The following RIF1 variants were observed in gnomAD, a reference collection of about 807,000 sequenced individuals.
RIF1 encodes telomere-associated protein RIF1.
RIF1 carries 45 observed loss-of-function variants against 247.1 expected under a neutral mutation model. That is an observed-to-expected ratio of 0.18 (90% CI 0.14 to 0.23). RIF1 has a LOEUF of 0.23. RIF1 is among the 10% of genes least tolerant of loss of function. The pLI is 1.00. For missense variants in RIF1, 2,967 were observed against 2,862.5 expected (o/e 1.04, Z -0.83); for synonymous variants, 1,087 against 978.8 (o/e 1.11, Z -2.06).
the RIF1 span, chr2:151,533,455 T>C: frequency 6.4e-7 from 1 of 1,550,756 alleles, no homozygotes; most frequent in Non-Finnish European, 8.7e-7. Context: ...GCTCCACATA[T>C]GCGAATTGTA....
intron 9 of RIF1, among the ~76,000 whole-genome samples, chr2:151,489,419 G>C (rs991325121): frequency 4.6e-5 from 7 of 152,144 alleles, no homozygotes; most frequent in African/African-American, 1.7e-4. Context: ...TGATTTTTGA[G>C]ACAGGGTCTC....
chr2:151,431,600 C>T (rs1292125218), intron 9 of RIF1, among the ~76,000 whole-genome samples: 4 of 152,100 alleles, frequency 2.6e-5, no homozygotes, highest in Non-Finnish European at 5.9e-5. Context: ...CCAGCCTGAC[C>T]AACATGGAGA....
At chr2:151,439,348 T>C (rs11692150) in intron 14 of RIF1, among the ~76,000 whole-genome samples, 8,944 of 152,170 alleles carry the variant, frequency 0.059, 382 homozygotes, top group Non-Finnish European at 0.093. Context: ...TGTATAGTCA[T>C]CTCTAAAATT....
At chr2:151,508,000 CTTA>C in exon 14 of RIF1, 2 of 1,596,944 alleles carry the variant, frequency 1.3e-6, no homozygotes, top group Non-Finnish European at 1.7e-6. Context: ...TTAATAAAAA[CTTA>C]CAAGGCTGAA....
In RIF1 at chr2:151,474,837, GT is replaced by G. The variant is rs747844988; in HGVS notation, c.7205-10del. 8.3e-4 allele frequency: 1,012 copies of G among 1,216,344 alleles called. 2 individuals carry two copies. Among genetic ancestry groups the G allele is most frequent in the African/African-American group, 5.0e-3 (326 of 65,032 alleles). The allele number at this position is 1,216,344 out of a possible 1,614,324, so 75.3% of individuals were successfully genotyped here. A position where few individuals can be genotyped will look rare whatever the true frequency, so the allele number is the denominator to read the frequency against. On this transcript the variant is annotated intron_variant, in intron 35 of 35. Coordinates refer to ENST00000444746, the MANE Select transcript of RIF1 (RefSeq NM_018151.5). ...TTTGTCTGGTATAGATTTAATTGTG[GT>G]TTTTTTTTTCTCTTTTAGATATAAT...
intron 10 of RIF1, chr2:151,497,180 C>G: frequency 7.9e-7 from 1 of 1,266,276 alleles, no homozygotes; most frequent in Non-Finnish European, 1.1e-6. Flanking sequence ...ATGCCACCGA[C>G]TACTTTACTT....
At chr2:151,426,118 GCAGT>G (rs1689029310) in intron 8 of RIF1, among the ~76,000 whole-genome samples, 1 of 148,822 alleles carries the variant, frequency 6.7e-6, no homozygotes, top group South Asian at 2.1e-4. Context: ...GCTAAGTTTG[GCAGT>G]CAGTTTGTCT....
chr2:151,500,978 T>TAAG, intron 11 of RIF1, among the ~76,000 whole-genome samples: 1 of 152,312 alleles, frequency 6.6e-6, no homozygotes, highest in Admixed American at 6.5e-5. Context: ...GGGTCTATGT[T>TAAG]AAGATGATCC....
At chr2:151,426,296 T>C (rs1434507720) in intron 8 of RIF1, among the ~76,000 whole-genome samples, 4 of 147,582 alleles carry the variant, frequency 2.7e-5, no homozygotes, top group Admixed American at 7.0e-5. Flanking sequence ...TGCCTCAGCC[T>C]CCCGAGTAGC....
downstream of RIF1, chr2:151,485,984 G>C (rs1478179476): frequency 1.4e-4 from 221 of 1,544,004 alleles, 1 homozygote; most frequent in Non-Finnish European, 4.5e-6. Context: ...ATTTGCAACA[G>C]TTAACACACA....
In RIF1 at chr2:151,464,821, G is replaced by C; in HGVS notation, c.5301G>C (p.Val1767=). 1 of 1,613,780 alleles carries C rather than the reference G, an allele frequency of 6.2e-7. No individual in the cohort carries two copies. The highest frequency in any genetic ancestry group is 8.5e-7 in the Non-Finnish European group (1 of 1,179,914). ...TTAGTGAAACAAAAAAGGCAGATGTGCAAGCACCTGTAAGCCCATCAGAAA... is the reference window on the plus strand; with the variant it reads ...TTAGTGAAACAAAAAAGGCAGATGTCCAAGCACCTGTAAGCCCATCAGAAA... ...VEISETKKAD[V]QAPVSPSETS... The change falls in exon 30 of 36, where the codon GTG becomes GTC. Residue 1767 remains valine (V), a synonymous_variant. Coordinates refer to ENST00000444746, the MANE Select transcript of RIF1 (RefSeq NM_018151.5).
intron 20 of RIF1, among the ~76,000 whole-genome samples, chr2:151,450,043 G>GT (rs1240317293): frequency 6.6e-6 from 1 of 152,036 alleles, no homozygotes; most frequent in Non-Finnish European, 1.5e-5. Flanking sequence ...GTTTCTCCAT[G>GT]TTGGCCAGGC....
In RIF1 at chr2:151,464,440, G is replaced by GC; in HGVS notation, c.4921dup (p.Gln1641ProfsTer4). The GC allele has an allele frequency of 6.2e-7, 1 of 1,613,450 alleles. No homozygotes were observed. Among genetic ancestry groups the GC allele is most frequent in the Non-Finnish European group, 8.5e-7 (1 of 1,179,770 alleles). ...ATTCTACAGTAACTTCAGATTTGTT[G>GC]CAAGTTCCTGATGATTTACCAAATG... On this transcript the variant is annotated frameshift_variant, in exon 30 of 36. Coordinates refer to ENST00000444746, the MANE Select transcript of RIF1 (RefSeq NM_018151.5). LOFTEE classifies it high-confidence loss of function.
chr2:151,462,038 T>A (rs1696264505), intron 27 of RIF1, among the ~76,000 whole-genome samples: 2 of 152,098 alleles, frequency 1.3e-5, no homozygotes, highest in African/African-American at 2.4e-5. Context: ...CATGCCCAGC[T>A]AATTTTTTAT....
intron 3 of RIF1, among the ~76,000 whole-genome samples, chr2:151,413,912 A>C (rs1475933865): frequency 6.6e-6 from 1 of 152,230 alleles, no homozygotes; most frequent in Non-Finnish European, 1.5e-5. Flanking sequence ...GAAATGGTAC[A>C]AGGGAAATGG....
chr2:151,445,872 CTT>C (rs560022185), intron 19 of RIF1, among the ~76,000 whole-genome samples: 24 of 151,988 alleles, frequency 1.6e-4, no homozygotes, highest in Admixed American at 5.2e-4. Flanking sequence ...TTCTTTATGA[CTT>C]TATTACTAGC....
At position 151,433,189 on chromosome 2, in the gene RIF1, G is replaced by C. The variant is rs767751365; in HGVS notation, c.1038G>C (p.Leu346=). The C allele has an allele frequency of 1.9e-6, 3 of 1,613,450 alleles. No homozygotes were observed. Among genetic ancestry groups the C allele is most frequent in the South Asian group, 1.1e-5 (1 of 91,058 alleles). Residue 346 remains leucine, a synonymous_variant, in exon 10 of 36, where the codon CTG becomes CTC. Coordinates refer to ENST00000444746, the MANE Select transcript of RIF1 (RefSeq NM_018151.5). The stretch of plus-strand genomic sequence containing the variant: ...AACTAGAAGTCTGGTGGTATTTACT[G>C]ATGAGACTTGGACCTCATCTTCCTG... ...LTKLEVWWYL[L]MRLGPHLPAN...
At chr2:151,507,970 C>T (rs2153217101) in exon 14 of RIF1, 6 of 1,489,384 alleles carry the variant, frequency 4.0e-6, no homozygotes, top group Non-Finnish European at 5.5e-6. Context: ...CCCTAGGTGC[C>T]TGTGGGCTGT....
In RIF1 at chr2:151,475,293, G is replaced by A. The variant is rs777160053; in HGVS notation, c.*222G>A. ...TAATATGTATTCTTGGCTGCTATGC[G>A]TGGTTTTTCAGGAAATTTAATTATC... On this transcript the variant is annotated 3_prime_UTR_variant, in exon 36 of 36. Transcript: ENST00000444746. 1.5e-4 allele frequency: 72 copies of A among 479,382 alleles called. No homozygotes were observed. The highest frequency in any genetic ancestry group is 2.4e-4 in the South Asian group (10 of 40,822). The allele number at this position is 479,382 out of a possible 1,614,324, so 29.7% of individuals were successfully genotyped here.
Sources: gnomAD v4.1 joint callset for allele counts (sites outside exome capture counted in the v4.1 genomes callset) on GRCh38, gnomAD v4.1.1 for gene constraint, MANE v1.5 for transcripts, NCBI Gene and HGNC (gene_info 2026-07-23, HGNC 2026-07-21) for gene names.